Variants in SLC8A1 observed in about 807,000 individuals in gnomAD.
SLC8A1 encodes solute carrier family 8 member A1.
In SLC8A1, 18 loss-of-function variants were observed where a neutral mutation model predicts 68.3. The ratio of observed to expected loss-of-function variants is 0.26; its 90% CI spans 0.18 to 0.39. SLC8A1 has a LOEUF of 0.39. SLC8A1 is among the 10% of genes least tolerant of loss of function. The pLI is 1.00. For missense variants in SLC8A1, 985 were observed against 1,156.7 expected (o/e 0.85, Z 2.15); for synonymous variants, 475 against 415.5 (o/e 1.14, Z -1.74).
intron 7 of SLC8A1, among the ~76,000 whole-genome samples, chr2:40,121,892 T>G (rs1446220192): frequency 2.0e-5 from 3 of 152,196 alleles, no homozygotes; most frequent in Non-Finnish European, 4.4e-5. Context: ...TATTTTACTT[T>G]GAAAATTTCA....
At chr2:40,371,271 T>C (rs970174686) in intron 2 of SLC8A1, among the ~76,000 whole-genome samples, 2 of 152,116 alleles carry the variant, frequency 1.3e-5, no homozygotes, top group South Asian at 4.1e-4. Flanking sequence ...TAGAAGCAAA[T>C]TGCTCAAGTT....
intron 1 of SLC8A1, among the ~76,000 whole-genome samples, chr2:40,489,079 T>C (rs866495567): frequency 9.8e-5 from 15 of 152,288 alleles, no homozygotes; most frequent in Middle Eastern, 6.8e-3. Flanking sequence ...TTAACTACTT[T>C]ACCAACATTC....
At chr2:40,397,524 A>G (rs956919834) in intron 2 of SLC8A1, among the ~76,000 whole-genome samples, 1 of 152,112 alleles carries the variant, frequency 6.6e-6, no homozygotes, top group Non-Finnish European at 1.5e-5. Context: ...TGGGTGTGAA[A>G]CCATCTACGC....
chr2:40,270,145 C>G (rs2065852392), intron 2 of SLC8A1, among the ~76,000 whole-genome samples: 1 of 152,204 alleles, frequency 6.6e-6, no homozygotes, highest in Non-Finnish European at 1.5e-5. Flanking sequence ...ATGACTACCA[C>G]TGTGTCTATG....
chr2:40,192,353 TCTC>T (rs2052034049), intron 2 of SLC8A1, among the ~76,000 whole-genome samples: 1 of 54,278 alleles, frequency 1.8e-5, no homozygotes, highest in South Asian at 1.2e-3. Flanking sequence ...TATCCATGGA[TCTC>T]CTTTTAGAGT....
chr2:40,343,029 C>A (rs1668194613), intron 2 of SLC8A1, among the ~76,000 whole-genome samples: 1 of 151,746 alleles, frequency 6.6e-6, no homozygotes, highest in African/African-American at 2.4e-5. Flanking sequence ...TTCAGAATCT[C>A]ATTTTAATTA....
chr2:40,318,056 T>C (rs2074706075), intron 2 of SLC8A1, among the ~76,000 whole-genome samples: 2 of 152,092 alleles, frequency 1.3e-5, no homozygotes, highest in Non-Finnish European at 2.9e-5. Context: ...GCACTAAATA[T>C]GGATTCACGG....
intron 2 of SLC8A1, among the ~76,000 whole-genome samples, chr2:40,313,134 C>G (rs2073965803): frequency 6.6e-6 from 1 of 152,006 alleles, no homozygotes; most frequent in South Asian, 2.1e-4. Flanking sequence ...TTTATTGTCA[C>G]TGTGGATTAG....
chr2:40,208,843 A>C (rs1049393034), intron 2 of SLC8A1, among the ~76,000 whole-genome samples: 23 of 152,298 alleles, frequency 1.5e-4, no homozygotes, highest in Admixed American at 7.8e-4. Context: ...TAAAGAATTC[A>C]GAACACTGAG....
chr2:40,273,882 C>T (rs12712689), intron 2 of SLC8A1, among the ~76,000 whole-genome samples: 66,324 of 136,450 alleles, frequency 0.49, 16,162 homozygotes, highest in East Asian at 0.73. Flanking sequence ...TTTTTTTTTT[C>T]CATTTTAGTT....
intron 7 of SLC8A1, among the ~76,000 whole-genome samples, chr2:40,134,095 GTGTT>G (rs1558478220): frequency 4.7e-5 from 7 of 148,976 alleles, no homozygotes; most frequent in African/African-American, 1.8e-4. Flanking sequence ...TTGTTTGTTT[GTGTT>G]TTTTTTTTTT....
chr2:40,438,639 C>CT (rs1158821712), intron 1 of SLC8A1, among the ~76,000 whole-genome samples: 1 of 152,156 alleles, frequency 6.6e-6, no homozygotes, highest in Non-Finnish European at 1.5e-5. Flanking sequence ...ATGACAACGG[C>CT]TAGAGAATGT....
intron 2 of SLC8A1, among the ~76,000 whole-genome samples, chr2:40,275,529 C>T (rs2066590347): frequency 6.6e-6 from 1 of 152,192 alleles, no homozygotes; most frequent in Admixed American, 6.5e-5. Flanking sequence ...ATCACATTAG[C>T]AGGTTGTCCG....
chr2:40,301,630 A>C (rs768638402), intron 2 of SLC8A1, among the ~76,000 whole-genome samples: 2 of 152,124 alleles, frequency 1.3e-5, no homozygotes, highest in Non-Finnish European at 2.9e-5. Context: ...AAGACTACAA[A>C]TTGGGGCTGG....
intron 4 of SLC8A1, among the ~76,000 whole-genome samples, chr2:40,169,898 T>C (rs1326557738): frequency 6.6e-6 from 1 of 152,152 alleles, no homozygotes; most frequent in East Asian, 1.9e-4. Context: ...CTGTGATTGA[T>C]TCCACCACTG....
chr2:40,272,674 G>A (rs1324341528), intron 2 of SLC8A1, among the ~76,000 whole-genome samples: 4 of 152,208 alleles, frequency 2.6e-5, no homozygotes, highest in Non-Finnish European at 5.9e-5. Context: ...CAGGCAGGCT[G>A]AGCTGGCAGT....
intron 2 of SLC8A1, among the ~76,000 whole-genome samples, chr2:40,219,418 A>G (rs2057985099): frequency 6.6e-6 from 1 of 152,214 alleles, no homozygotes; most frequent in Non-Finnish European, 1.5e-5. Flanking sequence ...ACAGTTCAAA[A>G]TATTGTCAAG....
intron 2 of SLC8A1, among the ~76,000 whole-genome samples, chr2:40,262,357 C>T (rs2064827449): frequency 6.6e-6 from 1 of 152,180 alleles, no homozygotes; most frequent in Non-Finnish European, 1.5e-5. Flanking sequence ...CAATGCTTTC[C>T]ATTCTTCTCC....
chr2:40,310,994 A>C (rs1382847450), intron 2 of SLC8A1, among the ~76,000 whole-genome samples: 12 of 152,158 alleles, frequency 7.9e-5, no homozygotes, highest in Admixed American at 7.9e-4. Flanking sequence ...TTACATTTTA[A>C]ATAAATTTAA....
Sources: allele counts gnomAD v4.1 joint callset (sites outside exome capture counted in the v4.1 genomes callset), GRCh38; gene constraint gnomAD v4.1.1; transcripts MANE v1.5; gene names NCBI Gene and HGNC (gene_info 2026-07-23, HGNC 2026-07-21).